The following GALNT7 variants were observed in gnomAD, a reference collection of about 807,000 sequenced individuals.
GALNT7 encodes polypeptide N-acetylgalactosaminyltransferase 7.
In GALNT7, 60 loss-of-function variants were observed where a neutral mutation model predicts 82.1. That is an observed-to-expected ratio of 0.73 (90% CI 0.59 to 0.91). The LOEUF (loss-of-function observed/expected upper bound fraction) is 0.91, where lower values mean the gene tolerates loss of function less well. Among genes scored for constraint, GALNT7 ranks in the 40% least tolerant of loss-of-function variants. GALNT7 has a pLI of 0.00. For missense variants in GALNT7, 660 were observed against 804.2 expected (o/e 0.82, Z 2.17); for synonymous variants, 243 against 275.1 (o/e 0.88, Z 1.15).
chr4:173,300,680 G>T (rs993262639), intron 6 of GALNT7, among the ~76,000 whole-genome samples: 2 of 152,072 alleles, frequency 1.3e-5, no homozygotes, highest in African/African-American at 2.4e-5. Context: ...TCATGCAGGC[G>T]CATGTGGAGG....
At chr4:173,218,208 G>C (rs775801917) in intron 1 of GALNT7, among the ~76,000 whole-genome samples, 5 of 152,112 alleles carry the variant, frequency 3.3e-5, no homozygotes, top group Non-Finnish European at 5.9e-5. Context: ...CTGTAGATTA[G>C]AAGTCATTTC....
chr4:173,280,254 G>T (rs956630601), intron 2 of GALNT7, among the ~76,000 whole-genome samples: 5 of 152,128 alleles, frequency 3.3e-5, no homozygotes, highest in Non-Finnish European at 7.4e-5. Flanking sequence ...TGAGTGCAGG[G>T]ACTCGCAGCC....
At chr4:173,198,083 G>A (rs1027649513) in intron 1 of GALNT7, among the ~76,000 whole-genome samples, 4 of 150,980 alleles carry the variant, frequency 2.6e-5, no homozygotes, top group Admixed American at 6.6e-5. Context: ...TTTTTGAGAC[G>A]GAGTCTCGCT....
Position 173,248,431 on chromosome 4 carries a change from G to A in GALNT7, c.578G>A (p.Arg193His), listed in dbSNP as rs1442639607. ...ISLDRSVNDL[R>H]QEECKYWHYD... ...CTGGACCGCAGCGTCAATGACTTAC[G>A]CCAAGAAGAGTAAGCACACATCCTC... The change falls in exon 2 of 12, where the codon CGC becomes CAC. Residue 193 changes from arginine to histidine, a missense_variant. Transcript: ENST00000265000. The A allele has an allele frequency of 4.4e-6, 7 of 1,595,570 alleles. No homozygotes were observed. Among genetic ancestry groups the A allele is most frequent in the East Asian group, 2.2e-5 (1 of 44,756 alleles).
intron 2 of GALNT7, among the ~76,000 whole-genome samples, chr4:173,252,921 C>CA (rs1382770475): frequency 6.6e-6 from 1 of 151,990 alleles, no homozygotes; most frequent in Admixed American, 6.6e-5. Flanking sequence ...GATACTTTGC[C>CA]AGGCATGGTG....
At position 173,321,848 on chromosome 4, in the gene GALNT7, T is replaced by C; in HGVS notation, c.*131T>C. The C allele has an allele frequency of 1.7e-6, 1 of 588,024 alleles. No homozygotes were observed. Among genetic ancestry groups the C allele is most frequent in the South Asian group, 2.2e-5 (1 of 45,302 alleles). 36.4% of individuals were successfully genotyped at this position (588,024 alleles called of 1,614,324 possible). A position where few individuals can be genotyped will look rare whatever the true frequency, so the allele number is the denominator to read the frequency against. ...CCAAACCTGGAACCTCCTGATCAGT[T>C]TGAAGGACATTGATAAACTGTGATT... On this transcript the variant is annotated 3_prime_UTR_variant, in exon 12 of 12. Transcript: ENST00000265000.
intron 1 of GALNT7, among the ~76,000 whole-genome samples, chr4:173,211,059 A>G (rs28361970): frequency 0.75 from 113,593 of 151,976 alleles, 43,452 homozygotes; most frequent in East Asian, 0.92. Context: ...TTGATATCTG[A>G]TGTGTATTTT....
intron 2 of GALNT7, among the ~76,000 whole-genome samples, chr4:173,268,551 T>TTC (rs1735596387): frequency 7.1e-6 from 1 of 140,596 alleles, no homozygotes; most frequent in Non-Finnish European, 1.5e-5. Context: ...TTTTTTTTTT[T>TTC]TTTTTTGAGA....
chr4:173,214,319 T>C (rs1420959711), intron 1 of GALNT7, among the ~76,000 whole-genome samples: 2 of 151,706 alleles, frequency 1.3e-5, no homozygotes, highest in Non-Finnish European at 2.9e-5. Flanking sequence ...AGAGACCACA[T>C]TGTGGTAAGT....
At position 173,248,024 on chromosome 4, in the gene GALNT7, T is replaced by C; in HGVS notation, c.171T>C (p.Asn57=). The C allele has an allele frequency of 2.5e-6, 4 of 1,613,584 alleles. No individual in the cohort carries two copies. Among genetic ancestry groups the C allele is most frequent in the Non-Finnish European group, 3.4e-6 (4 of 1,179,714 alleles). The change falls in exon 2 of 12, where the codon AAT becomes AAC. Residue 57 remains asparagine, a synonymous_variant. Transcript: ENST00000265000. ...VNDPMPNRGG[N]GLAPGEDRFK... is the part of the protein sequence containing the mutation. ...ACCCCATGCCCAACCGAGGCGGCAA[T>C]GGACTAGCTCCTGGGGAGGACAGAT...
Position 173,248,280 on chromosome 4 carries a change from C to T in GALNT7, c.427C>T (p.Pro143Ser), listed in dbSNP as rs747459843. 19 of 1,613,834 alleles carry T rather than the reference C, an allele frequency of 1.2e-5. No homozygotes were observed. Among genetic ancestry groups the T allele is most frequent in the East Asian group, 8.9e-5 (4 of 44,894 alleles). Residue 143 changes from proline (P) to serine (S), a missense_variant, in exon 2 of 12, where the codon CCT becomes TCT. By Grantham distance (74) the Pro-to-Ser change is moderately conservative. Transcript: ENST00000265000. ...GNFEPKEPEP[P>S]GVVGGPGEKA... ...CTTTGAACCCAAAGAACCTGAGCCT[C>T]CTGGAGTGGTTGGTGGCCCTGGAGA... is the stretch of plus-strand genomic sequence containing the variant.
chr4:173,286,209 G>A (rs1426576109), intron 2 of GALNT7, among the ~76,000 whole-genome samples: 1 of 152,130 alleles, frequency 6.6e-6, no homozygotes, highest in Non-Finnish European at 1.5e-5. Flanking sequence ...TCCTTTTACT[G>A]GTTTGCACCA....
intron 1 of GALNT7, among the ~76,000 whole-genome samples, chr4:173,210,129 G>A (rs546797956): frequency 1.3e-5 from 2 of 149,960 alleles, no homozygotes; most frequent in Admixed American, 1.3e-4. Flanking sequence ...GCGAGACTCC[G>A]TCTCAAAAAA....
intron 1 of GALNT7, among the ~76,000 whole-genome samples, chr4:173,241,759 A>G (rs1036637068): frequency 2.7e-4 from 41 of 152,176 alleles, no homozygotes; most frequent in African/African-American, 9.4e-4. Flanking sequence ...ATAGTACAGG[A>G]TAGATCTGTA....
intron 2 of GALNT7, among the ~76,000 whole-genome samples, chr4:173,283,666 C>G (rs113662540): frequency 6.7e-6 from 1 of 150,354 alleles, no homozygotes; most frequent in Non-Finnish European, 1.5e-5. Context: ...AAGTGACATT[C>G]TTTACTCACC....
chr4:173,217,918 T>TA (rs1480431718), intron 1 of GALNT7, among the ~76,000 whole-genome samples: 1 of 152,194 alleles, frequency 6.6e-6, no homozygotes, highest in Non-Finnish European at 1.5e-5. Flanking sequence ...AGCCAAAAGA[T>TA]AAAAAAATGC....
At chr4:173,226,625 G>C (rs1350410083) in intron 1 of GALNT7, among the ~76,000 whole-genome samples, 1 of 152,148 alleles carries the variant, frequency 6.6e-6, no homozygotes, top group East Asian at 1.9e-4. Context: ...CTCTCAGCTT[G>C]CTGGCTGACT....
At chr4:173,297,555 G>A (rs1015672421) in intron 5 of GALNT7, among the ~76,000 whole-genome samples, 1 of 152,204 alleles carries the variant, frequency 6.6e-6, no homozygotes, top group Admixed American at 6.5e-5. Flanking sequence ...ATTAAGCTCA[G>A]TGATATAGTT....
chr4:173,296,254 T>A (rs140316583), intron 5 of GALNT7, among the ~76,000 whole-genome samples: 1,924 of 152,320 alleles, frequency 0.013, 36 homozygotes, highest in African/African-American at 0.043. Flanking sequence ...GACCAGGTGT[T>A]ACTTGTGTCA....
Sources: allele counts gnomAD v4.1 joint callset (sites outside exome capture counted in the v4.1 genomes callset), GRCh38; gene constraint gnomAD v4.1.1; transcripts MANE v1.5; gene names NCBI Gene and HGNC (gene_info 2026-07-23, HGNC 2026-07-21).